The following CSMD1 variants were observed in gnomAD, a reference collection of about 807,000 sequenced individuals.
The protein encoded by CSMD1 is CUB and sushi domain-containing protein 1.
In CSMD1, 213 loss-of-function variants were observed where a neutral mutation model predicts 417.5. The ratio of observed to expected loss-of-function variants is 0.51; its 90% confidence interval spans 0.46 to 0.57. CSMD1 has a LOEUF of 0.57. Among genes scored for constraint, CSMD1 ranks in the 20% least tolerant of loss-of-function variants. CSMD1 has a pLI of 0.00. For synonymous variants in CSMD1, 2,862 were observed against 1,736.8 expected, an observed-to-expected ratio of 1.65 and a Z score of -16.11; for missense variants, 6,923 against 4,529.7, an observed-to-expected ratio of 1.53 and a Z score of -15.17.
At chr8:3,341,374 T>A (rs756906599) in intron 23 of CSMD1, among the ~76,000 whole-genome samples, 29 of 152,282 alleles carry the variant, frequency 1.9e-4, no homozygotes, top group Middle Eastern at 3.4e-3. Flanking sequence ...TATGCATAAA[T>A]CTTCTTCTGG....
At chr8:3,323,910 T>G (rs1486505907) in intron 23 of CSMD1, among the ~76,000 whole-genome samples, 4 of 131,366 alleles carry the variant, frequency 3.0e-5, no homozygotes, top group African/African-American at 9.4e-5. Flanking sequence ...CTTTCATCAT[T>G]GTTAAAATAG....
chr8:3,388,747 C>G (rs1249612058), intron 17 of CSMD1, among the ~76,000 whole-genome samples: 2 of 152,216 alleles, frequency 1.3e-5, no homozygotes, highest in African/African-American at 4.8e-5. Context: ...ACTGTCCTTG[C>G]TGCTGCGCAG....
At chr8:3,191,596 G>T (rs997773296) in intron 33 of CSMD1, among the ~76,000 whole-genome samples, 1 of 152,160 alleles carries the variant, frequency 6.6e-6, no homozygotes, top group African/African-American at 2.4e-5. Context: ...GTATCTCATG[G>T]GCTTTGGATA....
chr8:3,921,688 G>T (rs116689898), intron 5 of CSMD1, among the ~76,000 whole-genome samples: 5,308 of 151,812 alleles, frequency 0.035, 102 homozygotes, highest in Middle Eastern at 0.075. Context: ...TCACATATTT[G>T]TAAACTAATT....
At chr8:3,269,399 C>T (rs764594299) in intron 26 of CSMD1, among the ~76,000 whole-genome samples, 9 of 152,246 alleles carry the variant, frequency 5.9e-5, no homozygotes, top group Non-Finnish European at 8.8e-5. Flanking sequence ...CACAGGCTTA[C>T]GGCTGGTTTT....
At chr8:3,833,847 T>G (rs957856353) in intron 5 of CSMD1, among the ~76,000 whole-genome samples, 1 of 152,152 alleles carries the variant, frequency 6.6e-6, no homozygotes, top group African/African-American at 2.4e-5. Context: ...ACGTTTTTCT[T>G]TAACTCCCAA....
intron 3 of CSMD1, among the ~76,000 whole-genome samples, chr8:4,164,866 G>C (rs1486499136): frequency 1.6e-5 from 2 of 127,474 alleles, no homozygotes; most frequent in African/African-American, 6.3e-5. Flanking sequence ...AACAGAGCAA[G>C]ACTCCATCTC....
chr8:4,627,514 AT>A (rs1274864884), intron 2 of CSMD1, among the ~76,000 whole-genome samples: 1 of 152,208 alleles, frequency 6.6e-6, no homozygotes, highest in Non-Finnish European at 1.5e-5. Flanking sequence ...AAGGTATTAA[AT>A]AAAATAACTA....
intron 3 of CSMD1, among the ~76,000 whole-genome samples, chr8:4,336,268 C>A (rs1800165690): frequency 6.6e-6 from 1 of 152,092 alleles, no homozygotes; most frequent in Non-Finnish European, 1.5e-5. Flanking sequence ...CAAAAATAGA[C>A]AGTATTTTAT....
At chr8:4,382,486 C>A (rs181556000) in intron 3 of CSMD1, among the ~76,000 whole-genome samples, 1 of 151,932 alleles carries the variant, frequency 6.6e-6, no homozygotes. Context: ...ACATTCCAAC[C>A]ACCTAAACTC....
chr8:3,574,522 C>T (rs1800067224), intron 10 of CSMD1, among the ~76,000 whole-genome samples: 1 of 152,190 alleles, frequency 6.6e-6, no homozygotes, highest in Non-Finnish European at 1.5e-5. Context: ...GCTGGCATTA[C>T]AGGCTTGAGC....
chr8:4,005,128 G>T (rs924325669), intron 4 of CSMD1, among the ~76,000 whole-genome samples: 1 of 152,132 alleles, frequency 6.6e-6, no homozygotes, highest in Non-Finnish European at 1.5e-5. Flanking sequence ...GGACTTTGGA[G>T]ATTTGGGGGG....
chr8:3,635,616 T>C (rs1796999704), intron 7 of CSMD1, among the ~76,000 whole-genome samples: 1 of 150,878 alleles, frequency 6.6e-6, no homozygotes, highest in Non-Finnish European at 1.5e-5. Flanking sequence ...CCTGAGTAGC[T>C]GGGACTACAG....
chr8:3,436,093 G>A (rs778597760), intron 12 of CSMD1, among the ~76,000 whole-genome samples: 1 of 152,104 alleles, frequency 6.6e-6, no homozygotes, highest in African/African-American at 2.4e-5. Flanking sequence ...ACCCTAAGGA[G>A]CAGAGGCTCC....
chr8:3,237,782 C>CTTATAGTACAAATATAATTTTTATAA (rs1799246224), intron 26 of CSMD1, among the ~76,000 whole-genome samples: 2 of 111,082 alleles, frequency 1.8e-5, no homozygotes, highest in African/African-American at 6.9e-5. Flanking sequence ...TATAATTATA[C>CTTATAGTACAAATATAATTTTTATAA]TTATACTACA....
chr8:3,103,787 A>G (rs1330821273), intron 46 of CSMD1, among the ~76,000 whole-genome samples: 3 of 150,836 alleles, frequency 2.0e-5, no homozygotes, highest in Non-Finnish European at 4.4e-5. Context: ...CTTGTTGCCC[A>G]GGCTGGAGTG....
chr8:3,801,518 T>A (rs1800459730), intron 5 of CSMD1, among the ~76,000 whole-genome samples: 1 of 152,132 alleles, frequency 6.6e-6, no homozygotes, highest in Non-Finnish European at 1.5e-5. Flanking sequence ...TCGTGTTGCT[T>A]GTCGGAAAGT....
chr8:4,589,073 A>C (rs1255338075), intron 2 of CSMD1, among the ~76,000 whole-genome samples: 1 of 152,116 alleles, frequency 6.6e-6, no homozygotes, highest in Non-Finnish European at 1.5e-5. Context: ...AAATAGAAAA[A>C]TAAAAAATAT....
At chr8:4,344,570 A>C (rs959625424) in intron 3 of CSMD1, among the ~76,000 whole-genome samples, 1 of 151,052 alleles carries the variant, frequency 6.6e-6, no homozygotes, top group African/African-American at 2.4e-5. Context: ...ATATACATAT[A>C]TAAGTATATA....
Sources: gnomAD v4.1 joint callset for allele counts (sites outside exome capture counted in the v4.1 genomes callset) on GRCh38, gnomAD v4.1.1 for gene constraint, MANE v1.5 for transcripts, NCBI Gene and HGNC (gene_info 2026-07-23, HGNC 2026-07-21) for gene names.